The following NDEL1 variants were observed in gnomAD, a reference collection of about 807,000 sequenced individuals.
NDEL1 encodes nudE neurodevelopment protein 1 like 1.
A neutral mutation model predicts 45.7 loss-of-function variants in NDEL1; 9 were observed. The ratio of observed to expected loss-of-function variants is 0.20; its 90% CI spans 0.12 to 0.34. NDEL1 has a LOEUF of 0.34. NDEL1 is among the 10% of genes least tolerant of loss of function. NDEL1 has a pLI of 1.00. For missense variants in NDEL1, 306 were observed against 406.2 expected (o/e 0.75, Z 2.12); for synonymous variants, 133 against 158.6 (o/e 0.84, Z 1.21).
At chr17:8,458,737 T>C (rs1264002936) in intron 7 of NDEL1, among the ~76,000 whole-genome samples, 4 of 151,890 alleles carry the variant, frequency 2.6e-5, no homozygotes, top group African/African-American at 9.7e-5. Context: ...TTGCTGTTTC[T>C]TTTTTTTGAG....
intron 7 of NDEL1, among the ~76,000 whole-genome samples, chr17:8,458,501 A>AT (rs1190756221): frequency 2.0e-5 from 3 of 152,028 alleles, no homozygotes; most frequent in African/African-American, 7.3e-5. Flanking sequence ...ATGGATTTGA[A>AT]TGAATGCGTG....
intron 1 of NDEL1, among the ~76,000 whole-genome samples, chr17:8,438,169 G>A (rs1249851835): frequency 6.6e-6 from 1 of 152,156 alleles, no homozygotes; most frequent in Admixed American, 6.5e-5. Context: ...ATGTTGGTCA[G>A]GCTGGTCTCG....
intron 7 of NDEL1, among the ~76,000 whole-genome samples, chr17:8,459,014 G>A (rs1911030944): frequency 1.3e-5 from 2 of 152,186 alleles, no homozygotes; most frequent in South Asian, 4.1e-4. Context: ...TTACAGGAAT[G>A]AGCCACTGCA....
At chr17:8,416,905 C>G (rs7220295) in intron 1 of NDEL1, among the ~76,000 whole-genome samples, 34,809 of 151,958 alleles carry the variant, frequency 0.23, 4,179 homozygotes, top group East Asian at 0.34. Flanking sequence ...AATGGTCATG[C>G]TCTTCAAATG....
chr17:8,461,220 T>C (rs1013898012), intron 8 of NDEL1: 1 of 152,152 alleles, frequency 6.6e-6, no homozygotes, highest in African/African-American at 2.4e-5. Context: ...ATGGCACATG[T>C]GTAAAGGAGC....
chr17:8,439,132 G>A (rs1445793162), intron 1 of NDEL1, among the ~76,000 whole-genome samples: 4 of 151,352 alleles, frequency 2.6e-5, no homozygotes, highest in Non-Finnish European at 4.4e-5. Flanking sequence ...TAGTAGAGAC[G>A]GGGTTTCACC....
At chr17:8,471,901 C>T (rs141298708), downstream of NDEL1, among the ~76,000 whole-genome samples, 7 of 152,236 alleles carry the variant, frequency 4.6e-5, no homozygotes, top group East Asian at 5.8e-4. Flanking sequence ...ATGTTGTCCC[C>T]GAAAGGTGGA....
At chr17:8,423,625 A>G (rs973873869) in intron 1 of NDEL1, among the ~76,000 whole-genome samples, 2 of 152,216 alleles carry the variant, frequency 1.3e-5, no homozygotes, top group African/African-American at 4.8e-5. Flanking sequence ...CGAAGGTTGC[A>G]GTGAGCCGAG....
At chr17:8,454,092 C>T (rs4791705) in intron 6 of NDEL1, among the ~76,000 whole-genome samples, 146,047 of 152,206 alleles carry the variant, frequency 0.96, 70,361 homozygotes, top group East Asian at 1. Context: ...GTAAAAAAAT[C>T]AGAAAAATAC....
intron 1 of NDEL1, among the ~76,000 whole-genome samples, chr17:8,429,355 C>A (rs937495712): frequency 1.3e-5 from 2 of 152,244 alleles, no homozygotes; most frequent in Non-Finnish European, 2.9e-5. Flanking sequence ...ACTGTCCCTA[C>A]ACTCAGTGAG....
At chr17:8,427,538 T>A (rs1056930634) in intron 1 of NDEL1, among the ~76,000 whole-genome samples, 4 of 152,064 alleles carry the variant, frequency 2.6e-5, no homozygotes, top group African/African-American at 9.7e-5. Flanking sequence ...CCGTCTCTAC[T>A]AAAAATACAA....
Position 8,445,824 on chromosome 17 carries a change from C to T in NDEL1, c.200C>T (p.Ala67Val). 6.4e-7 allele frequency: 1 copy of T among 1,565,566 alleles called. No homozygotes were observed. The highest frequency in any genetic ancestry group is 8.6e-7 in the Non-Finnish European group (1 of 1,160,726). ...GAACAAAGAAATAGAGACTTGCAGGCTGATAACCAAAGACTGAAATATGAA... is the reference window on the plus strand; with the variant it reads ...GAACAAAGAAATAGAGACTTGCAGGTTGATAACCAAAGACTGAAATATGAA... ...QAEQRNRDLQ[A>V]DNQRLKYEVE... is the part of the protein sequence containing the mutation. Residue 67 changes from alanine (A) to valine (V), a missense_variant, in exon 3 of 9, where the codon GCT becomes GTT. Around this residue, in one of 3 missense-constraint regions of NDEL1, gnomAD observed 112 missense variants for 148.3 expected, o/e 0.76. Transcript: ENST00000334527.
chr17:8,439,968 C>T (rs1430345935), intron 1 of NDEL1, among the ~76,000 whole-genome samples: 1 of 152,160 alleles, frequency 6.6e-6, no homozygotes, highest in African/African-American at 2.4e-5. Context: ...TCTGAACTTC[C>T]AGGTCTGACT....
chr17:8,470,104 G>A (rs1471529401), downstream of NDEL1, among the ~76,000 whole-genome samples: 1 of 151,954 alleles, frequency 6.6e-6, no homozygotes, highest in Non-Finnish European at 1.5e-5. The surrounding 1 kb of genome is among the most constrained non-coding windows in gnomAD (Gnocchi z 4.2). Flanking sequence ...CTTTCTGTTT[G>A]GACTGTGGGG....
intron 2 of NDEL1, among the ~76,000 whole-genome samples, chr17:8,445,366 T>A (rs1247033686): frequency 6.6e-6 from 1 of 152,214 alleles, no homozygotes; most frequent in Admixed American, 6.5e-5. Flanking sequence ...GTGTGATTTC[T>A]GTTGAATATG....
At chr17:8,471,235 C>T (rs1280112420), downstream of NDEL1, among the ~76,000 whole-genome samples, 2 of 152,246 alleles carry the variant, frequency 1.3e-5, no homozygotes, top group African/African-American at 4.8e-5. Context: ...ACTGCAAGCT[C>T]TGCCTCCGAG....
At chr17:8,466,849 AT>A in intron 8 of NDEL1, 80 bp from the exon 9 acceptor site, 1 of 1,367,136 alleles carries the variant, frequency 7.3e-7, no homozygotes, top group Non-Finnish European at 1.0e-6. Context: ...AAGCAGATTA[AT>A]TTCCTATTGT....
At chr17:8,442,521 G>A (rs563485613) in intron 1 of NDEL1, among the ~76,000 whole-genome samples, 1 of 151,488 alleles carries the variant, frequency 6.6e-6, no homozygotes, top group East Asian at 2.0e-4. Flanking sequence ...GCTTACTGCA[G>A]CCTCATTGCT....
At chr17:8,469,358 G>A (rs1043169333), downstream of NDEL1, among the ~76,000 whole-genome samples, 2 of 152,198 alleles carry the variant, frequency 1.3e-5, no homozygotes, top group African/African-American at 4.8e-5. Flanking sequence ...AAGCACAGTT[G>A]ATGTTTGGAG....
Sources: gnomAD v4.1 joint callset for allele counts (sites outside exome capture counted in the v4.1 genomes callset) on GRCh38, gnomAD v4.1.1 for gene constraint, gnomAD v4.1.1 regional missense constraint, Gnocchi (gnomAD v3.1) non-coding constraint, MANE v1.5 for transcripts, NCBI Gene and HGNC (gene_info 2026-07-23, HGNC 2026-07-21) for gene names.